NSUN4: variants seen among roughly 807,000 people sequenced by gnomAD.
NSUN4 encodes the protein 5-cytosine rRNA methyltransferase NSUN4.
NSUN4 carries 31 observed loss-of-function variants against 43.8 expected under a neutral mutation model. The ratio of observed to expected loss-of-function variants is 0.71; its 90% CI spans 0.53 to 0.96. The LOEUF (loss-of-function observed/expected upper bound fraction) is 0.96, where lower values mean the gene tolerates loss of function less well. Ranked by LOEUF, NSUN4 falls within the 40% of genes least tolerant of loss-of-function variation. The pLI, the probability that NSUN4 is intolerant of heterozygous loss-of-function variation, is 0.00. For synonymous variants in NSUN4, 167 were observed against 184.1 expected (o/e 0.91, Z 0.75); for missense variants, 439 against 475.6 (o/e 0.92, Z 0.72).
At chr1:46,365,443 G>A (rs768963688), downstream of NSUN4, among the ~76,000 whole-genome samples, 13 of 152,122 alleles carry the variant, frequency 8.5e-5, no homozygotes, top group Non-Finnish European at 1.5e-4. Context: ...AGGTTCAAGC[G>A]ATTCTTCTGC....
Position 46,340,929 on chromosome 1 carries a change from G to A in NSUN4, c.93+10G>A. 2.5e-6 allele frequency: 4 copies of A among 1,607,560 alleles called. No individual in the cohort carries two copies. Among genetic ancestry groups the A allele is most frequent in the Non-Finnish European group, 3.4e-6 (4 of 1,176,256 alleles). On this transcript the variant is annotated intron_variant, in intron 1 of 5. Coordinates refer to ENST00000474844, the MANE Select transcript of NSUN4 (RefSeq NM_199044.4). ...ATATAAGAAGAAATGGGTAAGGTCC[G>A]GCTGGGGGCGCAGGAGGGAAAAGTG...
chr1:46,362,189 C>G lies in NSUN4; in HGVS notation c.*343C>G, dbSNP rs148127632. The G allele has an allele frequency of 1.7e-5, 5 of 295,704 alleles. No homozygotes were observed. The highest frequency in any genetic ancestry group is 3.2e-5 in the Non-Finnish European group (5 of 157,172). The allele number at this position is 295,704 out of a possible 1,614,324, so 18.3% of individuals were successfully genotyped here. On this transcript the variant is annotated 3_prime_UTR_variant, in exon 6 of 6. Coordinates refer to ENST00000474844, the MANE Select transcript of NSUN4 (RefSeq NM_199044.4). ...TTTGGCCAATAAAGTTGTTGAAACTCTATAGACCTGGGGCTGCAGTTGGGG... is the reference window on the plus strand; with the variant it reads ...TTTGGCCAATAAAGTTGTTGAAACTGTATAGACCTGGGGCTGCAGTTGGGG...
At chr1:46,376,567 C>T in the NSUN4 span, among the ~76,000 whole-genome samples, 1 of 151,870 alleles carries the variant, frequency 6.6e-6, no homozygotes. Flanking sequence ...ATTAGTCTGT[C>T]TCTCTAAAAA....
At chr1:46,365,902 C>T (rs887921509), downstream of NSUN4, among the ~76,000 whole-genome samples, 201 of 151,902 alleles carry the variant, frequency 1.3e-3, 6 homozygotes, top group Non-Finnish European at 7.5e-4. Context: ...CCGAGGCGGG[C>T]GGATCACTTA....
the NSUN4 span, among the ~76,000 whole-genome samples, chr1:46,382,257 C>T: frequency 1.6e-4 from 25 of 152,204 alleles, no homozygotes; most frequent in Admixed American, 1.2e-3. Flanking sequence ...AGTGTTTCCC[C>T]GCACAAAGCA....
At chr1:46,352,668 T>C (rs1663086075) in intron 3 of NSUN4, among the ~76,000 whole-genome samples, 200 bp from the exon 4 acceptor site, 1 of 152,184 alleles carries the variant, frequency 6.6e-6, no homozygotes, top group African/African-American at 2.4e-5. Flanking sequence ...ATAACTTTGA[T>C]ACTTTCTGGC....
chr1:46,345,801 G>A (rs1662445204), intron 2 of NSUN4, among the ~76,000 whole-genome samples: 1 of 152,150 alleles, frequency 6.6e-6, no homozygotes, highest in Non-Finnish European at 1.5e-5. Flanking sequence ...ATTAAGGAGA[G>A]CTCAATGTTA....
chr1:46,377,056 C>CT, the NSUN4 span, among the ~76,000 whole-genome samples: 14 of 146,468 alleles, frequency 9.6e-5, no homozygotes, highest in South Asian at 4.4e-4. Context: ...CTGCACCGGC[C>CT]TTTTTTTTTT....
At chr1:46,343,373 C>T in intron 1 of NSUN4, 1 of 399,832 alleles carries the variant, frequency 2.5e-6, no homozygotes. Context: ...ATACTGTCCC[C>T]TGTGGCCTCC....
chr1:46,341,761 C>T (rs1268126751), intron 1 of NSUN4: 4 of 1,232,016 alleles, frequency 3.2e-6, no homozygotes, highest in Non-Finnish European at 4.0e-6. Flanking sequence ...CTCTCCAGCC[C>T]TTATTTTGAG....
At chr1:46,382,394 G>C in the NSUN4 span, among the ~76,000 whole-genome samples, 8 of 152,184 alleles carry the variant, frequency 5.3e-5, no homozygotes, top group African/African-American at 1.9e-4. Context: ...CCCATTCCCA[G>C]GGGCAGTAAT....
chr1:46,382,692 C>T, the NSUN4 span, among the ~76,000 whole-genome samples: 1 of 151,966 alleles, frequency 6.6e-6, no homozygotes, highest in Admixed American at 6.5e-5. Flanking sequence ...ACCTCCACCT[C>T]CCAGGTTTAA....
At chr1:46,349,469 C>G (rs1043373233) in intron 3 of NSUN4, among the ~76,000 whole-genome samples, 6 of 152,214 alleles carry the variant, frequency 3.9e-5, no homozygotes, top group African/African-American at 7.2e-5. Flanking sequence ...CTCACTTCAG[C>G]CATCCACTGG....
intron 4 of NSUN4, among the ~76,000 whole-genome samples, chr1:46,356,027 A>G (rs904806677): frequency 6.6e-6 from 1 of 152,000 alleles, no homozygotes; most frequent in Admixed American, 6.6e-5. Context: ...AAAAAAAAAA[A>G]AACTAGTTGT....
intron 4 of NSUN4, among the ~76,000 whole-genome samples, chr1:46,355,657 G>A (rs1319795476): frequency 6.6e-6 from 1 of 152,110 alleles, no homozygotes; most frequent in East Asian, 1.9e-4. Context: ...TATAGAATGA[G>A]TGACCTGCTA....
chr1:46,355,587 A>G (rs189560866), intron 4 of NSUN4, among the ~76,000 whole-genome samples: 1 of 152,298 alleles, frequency 6.6e-6, no homozygotes, highest in Non-Finnish European at 1.5e-5. Flanking sequence ...AATCATCACA[A>G]TCCTTACCAT....
At chr1:46,345,353 C>T (rs1422218509) in intron 2 of NSUN4, 1 of 521,872 alleles carries the variant, frequency 1.9e-6, no homozygotes. Context: ...AATATTATTG[C>T]TGTTTTACAT....
At chr1:46,375,823 G>A in the NSUN4 span, among the ~76,000 whole-genome samples, 3 of 151,148 alleles carry the variant, frequency 2.0e-5, no homozygotes, top group Non-Finnish European at 3.0e-5. Flanking sequence ...AGGCCAGTGC[G>A]TGGCTGGGCG....
the NSUN4 span, among the ~76,000 whole-genome samples, chr1:46,372,204 G>T: frequency 3.3e-5 from 5 of 149,588 alleles, no homozygotes; most frequent in Non-Finnish European, 5.9e-5. Context: ...GCAGTGGCGC[G>T]ATCTCGGCTC....
Sources: allele counts gnomAD v4.1 joint callset (sites outside exome capture counted in the v4.1 genomes callset), GRCh38; gene constraint gnomAD v4.1.1; transcripts MANE v1.5; gene names NCBI Gene and HGNC (gene_info 2026-07-23, HGNC 2026-07-21).